The following WDR41 variants were observed in gnomAD, a reference collection of about 807,000 sequenced individuals.
WDR41 encodes the protein WD repeat-containing protein 41.
WDR41 carries 63 observed loss-of-function variants against 69.3 expected under a neutral mutation model. That is an observed-to-expected ratio of 0.91 (90% CI 0.74 to 1.12). The LOEUF (loss-of-function observed/expected upper bound fraction) is 1.12, where lower values mean the gene tolerates loss of function less well. WDR41 is among the 50% of genes most tolerant of loss of function. The pLI is 0.00. For synonymous variants in WDR41, 185 were observed against 192.1 expected (o/e 0.96, Z 0.31); for missense variants, 543 against 534.5 (o/e 1.02, Z -0.16).
At chr5:77,465,981 T>C (rs528578073) in intron 2 of WDR41, among the ~76,000 whole-genome samples, 14 of 152,132 alleles carry the variant, frequency 9.2e-5, no homozygotes, top group African/African-American at 2.9e-4. Context: ...ACAATTCCAA[T>C]ACTCAGTTCT....
intron 1 of WDR41, among the ~76,000 whole-genome samples, chr5:77,521,523 C>G (rs1271218069): frequency 6.6e-6 from 1 of 152,210 alleles, no homozygotes; most frequent in African/African-American, 2.4e-5. Flanking sequence ...AATATTATAC[C>G]AAAACTCAAA....
chr5:77,481,590 G>A (rs1331102618), intron 2 of WDR41, among the ~76,000 whole-genome samples: 1 of 152,008 alleles, frequency 6.6e-6, no homozygotes, highest in Non-Finnish European at 1.5e-5. Flanking sequence ...TTCGAGACCA[G>A]CCTGGCCAAT....
intron 1 of WDR41, among the ~76,000 whole-genome samples, chr5:77,594,204 G>A (rs887093540): frequency 2.2e-5 from 3 of 137,196 alleles, no homozygotes; most frequent in African/African-American, 8.2e-5. Context: ...TCACAGGTGG[G>A]AATTGAACAA....
intron 1 of WDR41, among the ~76,000 whole-genome samples, chr5:77,549,430 A>T (rs577096451): frequency 6.6e-6 from 1 of 152,310 alleles, no homozygotes; most frequent in Non-Finnish European, 1.5e-5. Context: ...AAATCAATGT[A>T]CACAAATCAG....
rs1282745181 is a variant in WDR41 at position 77,453,883 on chromosome 5, T to C, written c.457A>G (p.Asn153Asp). 6.2e-7 allele frequency: 1 copy of C among 1,613,952 alleles called. No homozygotes were observed. The highest frequency in any genetic ancestry group is 1.3e-5 in the African/African-American group (1 of 74,914). The change falls in exon 6 of 13, where the codon AAT becomes GAT. Residue 153 changes from asparagine (N) to aspartate (D), a missense_variant. Transcript: ENST00000296679. ...TTTCGGTTCCACACACACAGGTCAT[T>C]CCCACCAGAAAGCCAAACATCTAGT... is the stretch of plus-strand genomic sequence containing the variant. ...QRLDVWLSGG[N>D]DLCVWNRKLD... is the part of the protein sequence containing the mutation.
rs60723638 is a variant in WDR41 at position 77,567,663 on chromosome 5, T to TAAAA, written c.42+52812_42+52815dup. Among the ~76,000 whole-genome samples the TAAAA allele has an allele frequency of 4.0e-3, 423 of 106,358 alleles. 2 individuals carry two copies. The highest frequency in any genetic ancestry group is 0.011 in the East Asian group (43 of 4,034). The allele number at this position is 106,358 out of a possible 152,430, so 69.8% of individuals were successfully genotyped here. Reference sequence around the variant, plus strand: ...AATACAATTACCCTAAACCAAATAGTAAAAAAAAAAAAAAAAAAAAATTAA... The same window carrying TAAAA: ...AATACAATTACCCTAAACCAAATAGTAAAAAAAAAAAAAAAAAAAAAAAAATTAA... On this transcript the variant is annotated intron_variant, in intron 1 of 5. Transcript: ENST00000509971.
chr5:77,464,109 G>A (rs894739844), intron 3 of WDR41, among the ~76,000 whole-genome samples: 3 of 151,736 alleles, frequency 2.0e-5, no homozygotes, highest in African/African-American at 4.8e-5. Context: ...ATGCTATTAC[G>A]CAATGTTGAA....
At chr5:77,562,868 G>A (rs999935692) in intron 1 of WDR41, among the ~76,000 whole-genome samples, 3 of 152,150 alleles carry the variant, frequency 2.0e-5, no homozygotes, top group Admixed American at 1.3e-4. Flanking sequence ...TTAAGACTCA[G>A]CTCAAATGCT....
intron 1 of WDR41, among the ~76,000 whole-genome samples, chr5:77,542,339 T>C (rs1214457845): frequency 1.5e-4 from 23 of 151,994 alleles, no homozygotes; most frequent in Admixed American, 1.4e-3. Flanking sequence ...GCTTAATACG[T>C]AGGTGATGGG....
chr5:77,464,198 T>G (rs1800188129), intron 3 of WDR41, among the ~76,000 whole-genome samples: 1 of 151,616 alleles, frequency 6.6e-6, no homozygotes, highest in African/African-American at 2.4e-5. Context: ...AGTGATAACC[T>G]AAATTTTGTT....
intron 2 of WDR41, among the ~76,000 whole-genome samples, chr5:77,479,349 G>T (rs1460876297): frequency 1.3e-5 from 2 of 152,128 alleles, no homozygotes; most frequent in African/African-American, 4.8e-5. Context: ...AACCAAAAAA[G>T]AGCCCGCATC....
chr5:77,535,108 T>A (rs1742950077), intron 1 of WDR41, among the ~76,000 whole-genome samples: 1 of 152,224 alleles, frequency 6.6e-6, no homozygotes, highest in Non-Finnish European at 1.5e-5. Flanking sequence ...CTGGACAGTC[T>A]GAATCAGGTC....
chr5:77,566,657 G>C (rs1743635750), intron 1 of WDR41, among the ~76,000 whole-genome samples: 1 of 152,124 alleles, frequency 6.6e-6, no homozygotes, highest in South Asian at 2.1e-4. Context: ...CTTGTGTGGT[G>C]GGGGGCAGAG....
Position 77,598,642 on chromosome 5 carries a change from T to TC in WDR41, c.42+21836dup, listed in dbSNP as rs796919608. The stretch of plus-strand genomic sequence containing the variant: ...TTGAAGTTATGTGAATCAGTAAGTT[T>TC]CCTTTTTTTTTTTGTTTTTTTTGTA... On this transcript the variant is annotated intron_variant, in intron 1 of 5. Coordinates refer to the WDR41 transcript ENST00000509971. Among the ~76,000 whole-genome samples the TC allele has an allele frequency of 2.9e-3, 402 of 140,968 alleles. 4 individuals are homozygous for TC. The highest frequency in any genetic ancestry group is 9.9e-3 in the African/African-American group (376 of 37,960). 92.5% of individuals were successfully genotyped at this position (140,968 alleles called of 152,430 possible). A position where few individuals can be genotyped will look rare whatever the true frequency, so the allele number is the denominator to read the frequency against.
chr5:77,578,864 C>CAAAAAAAAA (rs55920763), intron 1 of WDR41, among the ~76,000 whole-genome samples: 7 of 77,194 alleles, frequency 9.1e-5, no homozygotes, highest in East Asian at 3.5e-4. Flanking sequence ...AACTCCATCT[C>CAAAAAAAAA]AAAAAAAAAA....
intron 1 of WDR41, among the ~76,000 whole-genome samples, chr5:77,544,324 A>AATG (rs1743149507): frequency 6.6e-6 from 1 of 152,142 alleles, no homozygotes; most frequent in Non-Finnish European, 1.5e-5. Flanking sequence ...TCACATCTCA[A>AATG]TACTAACATT....
At chr5:77,603,996 G>A (rs574547123) in intron 1 of WDR41, among the ~76,000 whole-genome samples, 55 of 152,280 alleles carry the variant, frequency 3.6e-4, no homozygotes, top group African/African-American at 1.3e-3. Context: ...ATATTTTTGA[G>A]TCAGGTAGTG....
intron 1 of WDR41, among the ~76,000 whole-genome samples, chr5:77,617,438 C>G (rs1264469083): frequency 6.6e-6 from 1 of 152,068 alleles, no homozygotes; most frequent in African/African-American, 2.4e-5. Flanking sequence ...GTGCTTAACT[C>G]TGGGCAAGCA....
intron 1 of WDR41, among the ~76,000 whole-genome samples, chr5:77,556,095 C>CTTTTT (rs34372647): frequency 8.7e-5 from 5 of 57,690 alleles, no homozygotes; most frequent in Non-Finnish European, 1.6e-4. Context: ...AAAAGATGGA[C>CTTTTT]TTTTTTTTTT....
Sources: gnomAD v4.1 joint callset for allele counts (sites outside exome capture counted in the v4.1 genomes callset) on GRCh38, gnomAD v4.1.1 for gene constraint, MANE v1.5 for transcripts, NCBI Gene and HGNC (gene_info 2026-07-23, HGNC 2026-07-21) for gene names.